The following MEX3D variants were observed in gnomAD, a reference collection of about 807,000 sequenced individuals.
MEX3D encodes the protein mex-3 RNA binding family member D.
Under a neutral mutation model 6.3 loss-of-function variants are expected in MEX3D, and 4 were observed. That is an observed-to-expected ratio of 0.64 (90% CI 0.31 to 1.46). The LOEUF is 1.46. Ranked by LOEUF, MEX3D falls within the 40% of genes most tolerant of loss-of-function variation. The probability of loss-of-function intolerance (pLI) is 0.07; values close to 1 mark genes in which losing one functional copy is unlikely to be tolerated. For synonymous variants in MEX3D, 626 were observed against 494.1 expected (o/e 1.27, Z -3.54); for missense variants, 1,038 against 994.4 (o/e 1.04, Z -0.59).
chr19:1,561,551 G>C (rs1052871999), intron 1 of MEX3D, among the ~76,000 whole-genome samples: 10 of 152,184 alleles, frequency 6.6e-5, no homozygotes, highest in Admixed American at 2.0e-4. Context: ...CCCCCTCCCA[G>C]GCCAGGAACA....
intron 1 of MEX3D, among the ~76,000 whole-genome samples, chr19:1,565,688 G>C (rs564052869): frequency 2.0e-5 from 3 of 152,242 alleles, no homozygotes; most frequent in Admixed American, 6.5e-5. Context: ...CTCTACCCCC[G>C]ACCCCCACTG....
At chr19:1,564,716 C>A (rs915365365) in intron 1 of MEX3D, among the ~76,000 whole-genome samples, 2 of 152,016 alleles carry the variant, frequency 1.3e-5, no homozygotes, top group African/African-American at 4.8e-5. Context: ...GGTGCCAGGC[C>A]TGTGTGACTC....
At position 1,567,451 on chromosome 19, in the gene MEX3D, G is replaced by A. The variant is rs746781633; in HGVS notation, c.595+13C>T. The A allele has an allele frequency of 6.4e-7, 1 of 1,559,862 alleles. No homozygotes were observed. The highest frequency in any genetic ancestry group is 8.7e-7 in the Non-Finnish European group (1 of 1,155,298). ...GACCCCCAGGACAGCAACCCCCGAC[G>A]AGGGCCACTCACCCTGGCGACCCAC... On this transcript the variant is annotated intron_variant, in intron 1 of 1. Coordinates refer to ENST00000402693, the MANE Select transcript of MEX3D (RefSeq NM_203304.4). The surrounding 1 kb of genome is among the most constrained non-coding windows in gnomAD (Gnocchi z 6.5).
intron 1 of MEX3D, among the ~76,000 whole-genome samples, chr19:1,560,622 ACTGT>A (rs142961482): frequency 0.015 from 2,302 of 152,248 alleles, 68 homozygotes; most frequent in African/African-American, 0.053. Flanking sequence ...GGGGCGTGTG[ACTGT>A]CTGAGCAGAA....
At chr19:1,561,333 G>A (rs1010898316) in intron 1 of MEX3D, among the ~76,000 whole-genome samples, 1 of 152,182 alleles carries the variant, frequency 6.6e-6, no homozygotes, top group Non-Finnish European at 1.5e-5. Flanking sequence ...TGAGGCAACA[G>A]CAAGGACAGG....
chr19:1,556,452 G>T lies in MEX3D; in HGVS notation c.1067C>A (p.Ala356Asp). Residue 356 changes from alanine to aspartate, a missense_variant, in exon 2 of 2, where the codon GCC becomes GAC. Physicochemically the swap from Ala to Asp is moderately radical, Grantham distance 126. Transcript: ENST00000402693. The surrounding 1 kb of genome is among the most constrained non-coding windows in gnomAD (Gnocchi z 7.5). ...GTCCAGGCAGACGTCGGTGCCGTTG[G>T]CGTGGAAGTCGCTGTCGGGGCCCGC... Reference protein sequence around the residue: ...TDAGPDSDFHANGTDVCLDLL... With the variant: ...TDAGPDSDFHDNGTDVCLDLL... The T allele has an allele frequency of 6.3e-7, 1 of 1,598,678 alleles. No individual in the cohort carries two copies.
Position 1,555,950 on chromosome 19 carries a change from G to T in MEX3D, c.1569C>A (p.Leu523=), listed in dbSNP as rs1210724736. The T allele has an allele frequency of 1.1e-5, 13 of 1,173,796 alleles. No individual in the cohort carries two copies. The highest frequency in any genetic ancestry group is 1.6e-5 in the African/African-American group (1 of 60,928). The allele number at this position is 1,173,796 out of a possible 1,614,324, so 72.7% of individuals were successfully genotyped here. A position where few individuals can be genotyped will look rare whatever the true frequency, so the allele number is the denominator to read the frequency against. The change falls in exon 2 of 2, where the codon CTC becomes CTA. Residue 523 remains leucine (L), a synonymous_variant. Coordinates refer to ENST00000402693, the MANE Select transcript of MEX3D (RefSeq NM_203304.4). ...HSPTLPEPGG[L]RLELPLSRRG... ...GGCGAGACAGCGGGAGCTCCAGGCG[G>T]AGGCCGCCGGGCTCGGGCAGCGTGG...
chr19:1,558,725 A>C (rs1914642268), intron 1 of MEX3D, among the ~76,000 whole-genome samples: 1 of 152,218 alleles, frequency 6.6e-6, no homozygotes, highest in African/African-American at 2.4e-5. Context: ...CCCTGGCCTA[A>C]GGGGAGCCGA....
chr19:1,556,248 T>A lies in MEX3D; in HGVS notation c.1271A>T (p.Tyr424Phe). Reference sequence around the variant, plus strand: ...GAAGCCCCCGTTGCCGGAGCCGCTGTAGGGGCTGGCGGGGCCTGGGTCCGG... The same window carrying A: ...GAAGCCCCCGTTGCCGGAGCCGCTGAAGGGGCTGGCGGGGCCTGGGTCCGG... Reference protein sequence around the residue: ...SVPDPGPASPYSGSGNGGFAF... With the variant: ...SVPDPGPASPFSGSGNGGFAF... Residue 424 changes from tyrosine (Y) to phenylalanine (F), a missense_variant, in exon 2 of 2, where the codon TAC (tyrosine) becomes TTC (phenylalanine). Tyr to Phe is a conservative substitution (Grantham distance 22, BLOSUM62 3). This residue lies in a region of MEX3D where 581 missense variants were observed against 516.2 expected (regional missense o/e 1.13). Coordinates refer to ENST00000402693, the MANE Select transcript of MEX3D (RefSeq NM_203304.4). The surrounding 1 kb of genome is among the most constrained non-coding windows in gnomAD (Gnocchi z 7.5). 1 of 1,375,406 alleles carries A rather than the reference T, an allele frequency of 7.3e-7. No individual in the cohort carries two copies. Among genetic ancestry groups the A allele is most frequent in the East Asian group, 3.6e-5 (1 of 28,034 alleles). 85.2% of individuals were successfully genotyped at this position (1,375,406 alleles called of 1,614,324 possible). A position where few individuals can be genotyped will look rare whatever the true frequency, so the allele number is the denominator to read the frequency against.
intron 1 of MEX3D, among the ~76,000 whole-genome samples, chr19:1,558,695 C>A (rs543505217): frequency 6.6e-6 from 1 of 152,228 alleles, no homozygotes; most frequent in Non-Finnish European, 1.5e-5. Context: ...GGCCAAATGA[C>A]CCTCCCTAGG....
At chr19:1,563,420 A>G (rs1225789627) in intron 1 of MEX3D, among the ~76,000 whole-genome samples, 1 of 152,150 alleles carries the variant, frequency 6.6e-6, no homozygotes, top group Non-Finnish European at 1.5e-5. Context: ...TCACTCACTC[A>G]TTCATTCATT....
In MEX3D at chr19:1,555,324, T is replaced by C. The variant is rs1914486873; in HGVS notation, c.*239A>G. On this transcript the variant is annotated 3_prime_UTR_variant, in exon 2 of 2. Coordinates refer to ENST00000402693, the MANE Select transcript of MEX3D (RefSeq NM_203304.4). ...CTTTTCTCTCCGGTTTATTGTAACCTGACCACTCAATACTGTCGTTGAAGG... is the reference window on the plus strand; with the variant it reads ...CTTTTCTCTCCGGTTTATTGTAACCCGACCACTCAATACTGTCGTTGAAGG... The C allele has an allele frequency of 6.3e-7, 1 of 1,598,664 alleles. No individual in the cohort carries two copies. Among genetic ancestry groups the C allele is most frequent in the Non-Finnish European group, 8.5e-7 (1 of 1,171,494 alleles).
At position 1,556,060 on chromosome 19, in the gene MEX3D, C is replaced by T. The variant is rs962058483; in HGVS notation, c.1459G>A (p.Gly487Ser). Reference sequence around the variant, plus strand: ...GGGGCTCCGTTGACCGTGGAGCAGCCGCTGAAGGCGGGCAAGGGGGCGGCG... The same window carrying T: ...GGGGCTCCGTTGACCGTGGAGCAGCTGCTGAAGGCGGGCAAGGGGGCGGCG... ...ERAAPLPAFS[G>S]CSTVNGAPGP... Residue 487 changes from glycine to serine, a missense_variant, in exon 2 of 2, where the codon GGC (glycine) becomes AGC (serine). By Grantham distance (56) the Gly-to-Ser change is moderately conservative (BLOSUM62 0). This residue lies in a region of MEX3D where 581 missense variants were observed against 516.2 expected (regional missense o/e 1.13). Coordinates refer to ENST00000402693, the MANE Select transcript of MEX3D (RefSeq NM_203304.4). The surrounding 1 kb of genome is among the most constrained non-coding windows in gnomAD (Gnocchi z 7.5). 5.8e-6 allele frequency: 8 copies of T among 1,384,484 alleles called. No individual in the cohort carries two copies. The highest frequency in any genetic ancestry group is 3.1e-5 in the African/African-American group (2 of 64,602). 85.8% of individuals were successfully genotyped at this position (1,384,484 alleles called of 1,614,324 possible).
Position 1,556,877 on chromosome 19 carries a change from C to T in MEX3D, c.642G>A (p.Lys214=). 6.2e-7 allele frequency: 1 copy of T among 1,612,204 alleles called. No homozygotes were observed. The highest frequency in any genetic ancestry group is 1.1e-5 in the South Asian group (1 of 91,068). ...ALRAKTNTYI[K]TPVRGEEPVF... is the part of the protein sequence containing the mutation. ...CCGGCTCCTCGCCCCGCACTGGGGT[C>T]TTGATGTAGGTGTTTGTCTTGGCCC... Residue 214 remains lysine (K), a synonymous_variant, in exon 2 of 2, where the codon AAG becomes AAA. Transcript: ENST00000402693. This position sits in a 1 kb window ranked among gnomAD's most constrained non-coding sequence, Gnocchi z 7.5.
intron 1 of MEX3D, among the ~76,000 whole-genome samples, chr19:1,563,777 C>A (rs1914775577): frequency 6.6e-6 from 1 of 152,112 alleles, no homozygotes; most frequent in African/African-American, 2.4e-5. Flanking sequence ...TGCTGACCCA[C>A]CAGAGAAACT....
chr19:1,556,740 A>T lies in MEX3D; in HGVS notation c.779T>A (p.Leu260Gln). The T allele has an allele frequency of 6.2e-7, 1 of 1,611,926 alleles. No homozygotes were observed. Among genetic ancestry groups the T allele is most frequent in the Non-Finnish European group, 8.5e-7 (1 of 1,179,470 alleles). The stretch of plus-strand genomic sequence containing the variant: ...GGGCGGGCCCTGGGCGGCGCCGGGC[A>T]GACCCCCGGCCTTGCTGCGCGTGGC... ...IRATRSKAGG[L>Q]PGAAQGPPNL... Residue 260 changes from leucine (L) to glutamine (Q), a missense_variant, in exon 2 of 2, where the codon CTG becomes CAG. Transcript: ENST00000402693. This position sits in a 1 kb window ranked among gnomAD's most constrained non-coding sequence, Gnocchi z 7.5.
In MEX3D at chr19:1,567,362, G is replaced by C. The variant is rs368706339; in HGVS notation, c.595+102C>G. Reference sequence around the variant, plus strand: ...AGCCCACGCGGGGCGTGTCCGGTGCGGGGCGTCCGGCGCGGGCTGGGCTGG... The same window carrying C: ...AGCCCACGCGGGGCGTGTCCGGTGCCGGGCGTCCGGCGCGGGCTGGGCTGG... On this transcript the variant is annotated intron_variant, in intron 1 of 1. Coordinates refer to ENST00000402693, the MANE Select transcript of MEX3D (RefSeq NM_203304.4). The surrounding 1 kb of genome is among the most constrained non-coding windows in gnomAD (Gnocchi z 6.5). 28 of 1,299,214 alleles carry C rather than the reference G, an allele frequency of 2.2e-5. 1 individual carries two copies. In the South Asian group the frequency reaches 3.5e-4, roughly 16 times the overall value. The allele number at this position is 1,299,214 out of a possible 1,614,324, so 80.5% of individuals were successfully genotyped here. A position where few individuals can be genotyped will look rare whatever the true frequency, so the allele number is the denominator to read the frequency against.
rs118109350 is a variant in MEX3D at position 1,560,533 on chromosome 19, G to A, written c.596-3610C>T. On this transcript the variant is annotated intron_variant, in intron 1 of 1. Coordinates refer to ENST00000402693, the MANE Select transcript of MEX3D (RefSeq NM_203304.4). The stretch of plus-strand genomic sequence containing the variant: ...GAGAGGCTGCCCCGACGTGGCCACC[G>A]CTGAGCTCACAGGCTGTGGTCACAG... Among the ~76,000 whole-genome samples the A allele has an allele frequency of 9.4e-3, 1,437 of 152,344 alleles. 9 individuals carry two copies. Among genetic ancestry groups the A allele is most frequent in the Admixed American group, 0.014 (212 of 15,304 alleles).
intron 1 of MEX3D, among the ~76,000 whole-genome samples, chr19:1,566,051 A>T (rs960402813): frequency 6.6e-6 from 1 of 152,182 alleles, no homozygotes; most frequent in Non-Finnish European, 1.5e-5. Flanking sequence ...AGGCTCCCAG[A>T]CACTCCGCAC....
Sources: gnomAD v4.1 joint callset for allele counts (sites outside exome capture counted in the v4.1 genomes callset) on GRCh38, gnomAD v4.1.1 for gene constraint, gnomAD v4.1.1 regional missense constraint, Gnocchi (gnomAD v3.1) non-coding constraint, MANE v1.5 for transcripts, NCBI Gene and HGNC (gene_info 2026-07-23, HGNC 2026-07-21) for gene names.